DCDC1: variants seen among roughly 807,000 people sequenced by gnomAD.
The protein encoded by DCDC1 is doublecortin domain-containing protein 1.
In DCDC1, 200 loss-of-function variants were observed where a neutral mutation model predicts 178.3. That is an observed-to-expected ratio of 1.12 (90% CI 1.00 to 1.26). The LOEUF (loss-of-function observed/expected upper bound fraction) is 1.26, where lower values mean the gene tolerates loss of function less well. Ranked by LOEUF, DCDC1 falls within the 50% of genes most tolerant of loss-of-function variation. The pLI is 0.00. For synonymous variants in DCDC1, 690 were observed against 604.8 expected, an observed-to-expected ratio of 1.14 and a Z score of -2.07; for missense variants, 1,983 against 1,749.2, an observed-to-expected ratio of 1.13 and a Z score of -2.38.
intron 9 of DCDC1, among the ~76,000 whole-genome samples, chr11:31,158,997 G>C (rs1220504825): frequency 1.3e-5 from 2 of 150,800 alleles, no homozygotes; most frequent in African/African-American, 4.9e-5. Context: ...ATATAAATTG[G>C]ATGTATACCA....
chr11:31,343,399 C>A (rs765309985), intron 1 of DCDC1, among the ~76,000 whole-genome samples: 1 of 152,106 alleles, frequency 6.6e-6, no homozygotes, highest in Non-Finnish European at 1.5e-5. Context: ...CCCCACCTCC[C>A]AGGTTCAAGT....
At position 31,328,100 on chromosome 11, in the gene DCDC1, T is replaced by C. The variant is rs1457071773; in HGVS notation, c.164+17A>G. The C allele has an allele frequency of 6.3e-7, 1 of 1,582,624 alleles. No homozygotes were observed. Among genetic ancestry groups the C allele is most frequent in the Admixed American group, 1.7e-5 (1 of 57,250 alleles). The stretch of plus-strand genomic sequence containing the variant: ...CCCTTCAGTATTTAGTTTAAGCTGC[T>C]GAAATAATGTTCTTACCTTGGTAAA... On this transcript the variant is annotated intron_variant, in intron 3 of 38. Coordinates refer to ENST00000684477, the MANE Select transcript of DCDC1 (RefSeq NM_001387274.1).
At chr11:30,986,232 A>C (rs184188244) in intron 20 of DCDC1, among the ~76,000 whole-genome samples, 69 of 152,274 alleles carry the variant, frequency 4.5e-4, no homozygotes, top group African/African-American at 1.6e-3. Flanking sequence ...GCAAGAAAAA[A>C]AAAAGGCAAT....
chr11:31,000,766 C>T (rs1480592742), intron 20 of DCDC1, among the ~76,000 whole-genome samples: 1 of 151,312 alleles, frequency 6.6e-6, no homozygotes, highest in Non-Finnish European at 1.5e-5. Flanking sequence ...AGCCATGTTC[C>T]AATTACTTAG....
At chr11:31,208,294 C>G (rs1021324882) in intron 9 of DCDC1, among the ~76,000 whole-genome samples, 2 of 152,176 alleles carry the variant, frequency 1.3e-5, no homozygotes, top group African/African-American at 4.8e-5. Context: ...GTTTTTGGCT[C>G]AGGCTAACCC....
At chr11:31,139,354 T>C (rs940753989) in intron 9 of DCDC1, among the ~76,000 whole-genome samples, 3 of 152,060 alleles carry the variant, frequency 2.0e-5, no homozygotes, top group Non-Finnish European at 2.9e-5. Flanking sequence ...AAGGGATATA[T>C]AAAAAAGCCC....
At position 31,241,658 on chromosome 11, in the gene DCDC1, C is replaced by T. The variant is rs558449803; in HGVS notation, c.1055-42G>A. The T allele has an allele frequency of 1.0e-5, 4 of 395,680 alleles. No individual in the cohort carries two copies. In the South Asian group the frequency reaches 3.9e-4, roughly 38 times the overall value. 24.5% of individuals were successfully genotyped at this position (395,680 alleles called of 1,614,324 possible). The stretch of plus-strand genomic sequence containing the variant: ...GGGAAAAAAATTCTTTTGACCCAAC[C>T]CAACCGAAATACACTGCCTGGAACA... On this transcript the variant is annotated intron_variant, in intron 8 of 38. Transcript: ENST00000684477.
Position 30,864,773 on chromosome 11 carries a change from C to A in DCDC1, c.*600G>T, listed in dbSNP as rs188092699. 6.6e-6 allele frequency: 1 copy of A among 151,344 alleles called. No homozygotes were observed. Among genetic ancestry groups the A allele is most frequent in the Non-Finnish European group, 1.5e-5 (1 of 67,918 alleles). The allele number at this position is 151,344 out of a possible 1,614,324, so 9.4% of individuals were successfully genotyped here. On this transcript the variant is annotated 3_prime_UTR_variant, in exon 39 of 39. Transcript: ENST00000684477. ...GCTTTTTTTTTTCCAATAAGCCACACGATAAACTGGAAAAATTTAGAGAAT... is the reference window on the plus strand; with the variant it reads ...GCTTTTTTTTTTCCAATAAGCCACAAGATAAACTGGAAAAATTTAGAGAAT...
At chr11:31,159,036 A>G (rs1966039212) in intron 9 of DCDC1, among the ~76,000 whole-genome samples, 1 of 152,156 alleles carries the variant, frequency 6.6e-6, no homozygotes, top group Non-Finnish European at 1.5e-5. Context: ...CCCAAAAAAT[A>G]CCAATAAAAA....
At chr11:31,135,204 C>T (rs369403578) in intron 10 of DCDC1, among the ~76,000 whole-genome samples, 1 of 152,110 alleles carries the variant, frequency 6.6e-6, no homozygotes, top group Admixed American at 6.5e-5. Flanking sequence ...TGAGAATTAT[C>T]TAAGAATGTA....
At chr11:31,323,446 A>C (rs1200866409) in intron 3 of DCDC1, among the ~76,000 whole-genome samples, 2 of 152,324 alleles carry the variant, frequency 1.3e-5, no homozygotes, top group African/African-American at 4.8e-5. Flanking sequence ...AAGTACATCA[A>C]ATCTAACAAC....
chr11:31,127,770 TCAAGTAAAAA>T lies in DCDC1; in HGVS notation c.1315-141_1315-132del, dbSNP rs1961858499. The T allele has an allele frequency of 7.0e-6, 4 of 568,594 alleles. No homozygotes were observed. In the East Asian group the frequency reaches 8.8e-5, roughly 12 times the overall value. The allele number at this position is 568,594 out of a possible 1,614,324, so 35.2% of individuals were successfully genotyped here. A position where few individuals can be genotyped will look rare whatever the true frequency, so the allele number is the denominator to read the frequency against. ...CAGGAATTTGAGTACAGATCTATCC[TCAAGTAAAAA>T]CAATGAAAGAGATATACATTCCTAC... On this transcript the variant is annotated intron_variant, in intron 10 of 38. Transcript: ENST00000684477.
chr11:31,307,948 T>C (rs1948562036), intron 3 of DCDC1, 40 bp from the exon 4 acceptor site: 1 of 1,606,390 alleles, frequency 6.2e-7, no homozygotes, highest in Admixed American at 1.7e-5. Flanking sequence ...ATTAATTGAT[T>C]TGTAATCATT....
intron 8 of DCDC1, among the ~76,000 whole-genome samples, chr11:31,251,301 G>T (rs1944013635): frequency 6.6e-6 from 1 of 152,130 alleles, no homozygotes; most frequent in Admixed American, 6.5e-5. Flanking sequence ...CAACTTGATG[G>T]GATCACAGGG....
chr11:30,920,682 T>G (rs111941497), intron 25 of DCDC1, 94 bp downstream of exon 25: 18 of 1,449,486 alleles, frequency 1.2e-5, no homozygotes, highest in Non-Finnish European at 1.6e-5. Flanking sequence ...AAACTTGGCA[T>G]GAGCTCCCTG....
chr11:31,071,762 T>C (rs1312909814), intron 18 of DCDC1, among the ~76,000 whole-genome samples: 1 of 152,154 alleles, frequency 6.6e-6, no homozygotes, highest in African/African-American at 2.4e-5. Context: ...CAGCTTCTGT[T>C]TTGCTCTTTT....
intron 6 of DCDC1, among the ~76,000 whole-genome samples, chr11:31,294,810 G>C: frequency 2.0e-5 from 1 of 49,014 alleles, no homozygotes; most frequent in East Asian, 8.8e-4. Flanking sequence ...AAGAAAGAAA[G>C]AAAGAAAGAA....
chr11:30,965,764 AC>A (rs1033821033), intron 20 of DCDC1, among the ~76,000 whole-genome samples: 6 of 88,860 alleles, frequency 6.8e-5, no homozygotes, highest in Non-Finnish European at 1.4e-4. Context: ...CCCCGACCCC[AC>A]CACAGTCCCC....
chr11:31,287,225 AAAC>A (rs199687347), intron 7 of DCDC1, among the ~76,000 whole-genome samples: 2,900 of 152,024 alleles, frequency 0.019, 93 homozygotes, highest in African/African-American at 0.066. Context: ...AAACAAAACA[AAAC>A]AAACAAACAA....
Sources: allele counts gnomAD v4.1 joint callset (sites outside exome capture counted in the v4.1 genomes callset), GRCh38; gene constraint gnomAD v4.1.1; transcripts MANE v1.5; gene names NCBI Gene and HGNC (gene_info 2026-07-23, HGNC 2026-07-21).